Variants in NLGN4X observed in about 807,000 individuals in gnomAD.
NLGN4X encodes neuroligin 4 X-linked.
A neutral mutation model predicts 40.3 loss-of-function variants in NLGN4X; 3 were observed. The observed-to-expected ratio is 0.07, with a 90% CI of 0.03 to 0.19. NLGN4X has a LOEUF of 0.19. NLGN4X is among the 10% of genes least tolerant of loss of function. The probability of loss-of-function intolerance (pLI) is 1.00; values close to 1 mark genes in which losing one functional copy is unlikely to be tolerated. For synonymous variants in NLGN4X, 270 were observed against 306.8 expected (o/e 0.88, Z 1.25); for missense variants, 382 against 708.3 (o/e 0.54, Z 5.23).
At chrX:5,921,133 T>TTATATATATATA (rs768542616) in intron 3 of NLGN4X, among the ~76,000 whole-genome samples, 1 of 65,013 alleles carries the variant, frequency 1.5e-5, no homozygotes, top group African/African-American at 6.7e-5. Context: ...TAAGTATTTT[T>TTATATATATATA]TATATATATA....
chrX:5,896,125 A>G (rs1290860966), intron 5 of NLGN4X, among the ~76,000 whole-genome samples: 1 of 112,124 alleles, frequency 8.9e-6, no homozygotes, highest in Non-Finnish European at 1.9e-5. Context: ...TCATCTATTA[A>G]GCAGTGAGCA....
At chrX:5,991,935 A>G (rs2035695814) in intron 3 of NLGN4X, among the ~76,000 whole-genome samples, 1 of 112,235 alleles carries the variant, frequency 8.9e-6, no homozygotes, top group African/African-American at 3.2e-5. Flanking sequence ...ATTATTTGAC[A>G]ACAGATGGGC....
chrX:5,955,505 G>A (rs2034462589), intron 3 of NLGN4X, among the ~76,000 whole-genome samples: 1 of 110,874 alleles, frequency 9.0e-6, no homozygotes, highest in African/African-American at 3.3e-5. Flanking sequence ...TTCAGGGTCA[G>A]GTTTAATATC....
intron 3 of NLGN4X, among the ~76,000 whole-genome samples, chrX:5,965,805 T>A (rs1047636094): frequency 2.7e-5 from 3 of 112,137 alleles, no homozygotes; most frequent in African/African-American, 6.5e-5. Context: ...GTTCTACAAC[T>A]TCATGTAACA....
chrX:6,147,356 C>T (rs940259468), intron 2 of NLGN4X, among the ~76,000 whole-genome samples: 1 of 111,676 alleles, frequency 9.0e-6, no homozygotes, highest in African/African-American at 3.3e-5. Flanking sequence ...CTGAGCAACT[C>T]CTTCAAAATG....
intron 1 of NLGN4X, among the ~76,000 whole-genome samples, chrX:6,198,164 G>A (rs1923292732): frequency 9.0e-6 from 1 of 111,281 alleles, no homozygotes; most frequent in African/African-American, 3.3e-5. Flanking sequence ...AACTTTGGAG[G>A]AATATCAGCT....
intron 1 of NLGN4X, among the ~76,000 whole-genome samples, chrX:6,169,160 AAT>A (rs2040555112): frequency 8.9e-6 from 1 of 111,823 alleles, no homozygotes; most frequent in Non-Finnish European, 1.9e-5. Flanking sequence ...TGAAATCAAT[AAT>A]TTGAGCAACA....
chrX:6,035,444 T>A (rs1188699394), intron 2 of NLGN4X, among the ~76,000 whole-genome samples: 1 of 112,012 alleles, frequency 8.9e-6, no homozygotes, highest in Non-Finnish European at 1.9e-5. Context: ...AGAGCTTTAA[T>A]TCTTATATTG....
intron 3 of NLGN4X, among the ~76,000 whole-genome samples, chrX:5,981,258 A>T (rs1445620326): frequency 9.0e-6 from 1 of 111,388 alleles, no homozygotes; most frequent in East Asian, 2.8e-4. Context: ...ATGCTTTGAG[A>T]TTTCCTTGAG....
chrX:6,186,448 A>G (rs967730719), intron 1 of NLGN4X, among the ~76,000 whole-genome samples: 5 of 112,503 alleles, frequency 4.4e-5, no homozygotes, highest in African/African-American at 1.6e-4. Flanking sequence ...TAGCTTATGT[A>G]TAATAACTTA....
intron 1 of NLGN4X, among the ~76,000 whole-genome samples, chrX:6,203,564 C>G (rs957543421): frequency 8.9e-6 from 1 of 112,376 alleles, no homozygotes; most frequent in Non-Finnish European, 1.9e-5. Flanking sequence ...CTTAGACTCT[C>G]TTTCAGCCTC....
At chrX:6,222,037 C>T (rs1208150386) in intron 1 of NLGN4X, among the ~76,000 whole-genome samples, 1 of 111,662 alleles carries the variant, frequency 9.0e-6, no homozygotes, top group Non-Finnish European at 1.9e-5. Flanking sequence ...TCAGTCCTTT[C>T]TTTTTTAAAG....
At chrX:5,978,087 C>T (rs1437199093) in intron 3 of NLGN4X, among the ~76,000 whole-genome samples, 1 of 111,924 alleles carries the variant, frequency 8.9e-6, no homozygotes. Context: ...GTATGCACAG[C>T]TCATAAATGG....
At chrX:6,165,622 T>A (rs756844835) in intron 1 of NLGN4X, among the ~76,000 whole-genome samples, 1 of 111,935 alleles carries the variant, frequency 8.9e-6, no homozygotes, top group Non-Finnish European at 1.9e-5. Flanking sequence ...AAAATAATTA[T>A]CTCAGTATAG....
At chrX:5,968,479 G>C (rs549309869) in intron 3 of NLGN4X, among the ~76,000 whole-genome samples, 805 of 79,124 alleles carry the variant, frequency 0.01, 26 homozygotes, top group African/African-American at 0.024. Context: ...GTGTGTGTGT[G>C]TGTGTGTGTG....
intron 3 of NLGN4X, among the ~76,000 whole-genome samples, chrX:6,004,866 C>T (rs1356182091): frequency 8.9e-6 from 1 of 111,761 alleles, no homozygotes; most frequent in African/African-American, 3.3e-5. Context: ...TAACGTTTCA[C>T]GTTCCTAAGA....
chrX:6,193,178 C>T (rs56694965), intron 1 of NLGN4X, among the ~76,000 whole-genome samples: 2,936 of 110,398 alleles, frequency 0.027, 118 homozygotes, highest in African/African-American at 0.09. Context: ...TCCCAGCACT[C>T]TGGGAGGCCG....
intron 3 of NLGN4X, among the ~76,000 whole-genome samples, chrX:5,970,158 A>C (rs1006827591): frequency 1.8e-4 from 19 of 106,831 alleles, no homozygotes; most frequent in Admixed American, 1.5e-3. Context: ...ATGTACCCTA[A>C]AACATAAAAG....
intron 2 of NLGN4X, among the ~76,000 whole-genome samples, chrX:6,088,348 C>T (rs982182133): frequency 5.4e-5 from 6 of 112,082 alleles, no homozygotes; most frequent in African/African-American, 1.9e-4. Context: ...GCTGTCAAAG[C>T]ACCTGAAACA....
Sources: gnomAD v4.1 joint callset for allele counts (sites outside exome capture counted in the v4.1 genomes callset) on GRCh38, gnomAD v4.1.1 for gene constraint, MANE v1.5 for transcripts, NCBI Gene and HGNC (gene_info 2026-07-23, HGNC 2026-07-21) for gene names.